Variants in RTL9 observed in about 807,000 individuals in gnomAD.
RTL9 encodes the protein retrotransposon Gag-like protein 9.
Under a neutral mutation model 44.7 loss-of-function variants are expected in RTL9, and 19 were observed. That is an observed-to-expected ratio of 0.42 (90% CI 0.30 to 0.62). The LOEUF (loss-of-function observed/expected upper bound fraction) is 0.62, where lower values mean the gene tolerates loss of function less well. Among genes scored for constraint, RTL9 ranks in the 20% least tolerant of loss-of-function variants. The pLI is 0.16. For synonymous variants in RTL9, 407 were observed against 398.9 expected (o/e 1.02, Z -0.24); for missense variants, 1,105 against 1,080.6 (o/e 1.02, Z -0.32).
intron 1 of RTL9, among the ~76,000 whole-genome samples, chrX:110,427,799 C>T (rs995589021): frequency 5.4e-5 from 6 of 112,016 alleles, no homozygotes; most frequent in Admixed American, 9.4e-5. Flanking sequence ...AGAATTCAAT[C>T]ACAGGGAGTC....
chrX:110,414,385 A>G (rs1350946454), upstream of RTL9, among the ~76,000 whole-genome samples: 2 of 112,557 alleles, frequency 1.8e-5, no homozygotes, highest in Non-Finnish European at 3.8e-5. Flanking sequence ...ATACCATGCC[A>G]GCCTTTAAGA....
At chrX:110,391,521 G>A (rs939852306) in intron 1 of RTL9, among the ~76,000 whole-genome samples, 1 of 111,999 alleles carries the variant, frequency 8.9e-6, no homozygotes, top group African/African-American at 3.2e-5. Context: ...ACTACTTTAT[G>A]TAGAAATCTT....
chrX:110,418,321 G>C (rs1244044969), upstream of RTL9, among the ~76,000 whole-genome samples: 1 of 112,235 alleles, frequency 8.9e-6, no homozygotes, highest in African/African-American at 3.2e-5. Flanking sequence ...TGCAACCCAT[G>C]AGCAAACACA....
intron 1 of RTL9, among the ~76,000 whole-genome samples, chrX:110,369,913 A>G (rs2068325629): frequency 9.0e-6 from 1 of 111,440 alleles, no homozygotes; most frequent in East Asian, 2.8e-4. Context: ...ATCTCCTGAA[A>G]GTGCATGTTG....
intron 1 of RTL9, among the ~76,000 whole-genome samples, chrX:110,394,102 A>G (rs2068513000): frequency 8.9e-6 from 1 of 112,564 alleles, no homozygotes; most frequent in Non-Finnish European, 1.9e-5. Flanking sequence ...GCTGTCACTC[A>G]TTGATTCACC....
At chrX:110,384,935 C>T (rs1318238791) in intron 1 of RTL9, among the ~76,000 whole-genome samples, 1 of 110,909 alleles carries the variant, frequency 9.0e-6, no homozygotes, top group Non-Finnish European at 1.9e-5. Flanking sequence ...ATTTGCTAAT[C>T]AACTTTGCCC....
chrX:110,386,134 T>G (rs1345108550), intron 1 of RTL9, among the ~76,000 whole-genome samples: 1 of 110,736 alleles, frequency 9.0e-6, no homozygotes, highest in Admixed American at 9.6e-5. Context: ...TTAAATCTCT[T>G]GGGTATATAT....
chrX:110,442,109 A>G (rs1377908932), intron 1 of RTL9, among the ~76,000 whole-genome samples: 1 of 110,953 alleles, frequency 9.0e-6, no homozygotes, highest in Non-Finnish European at 1.9e-5. Flanking sequence ...TGAAAAAGTA[A>G]AGGTGGCCTT....
Position 110,409,583 on chromosome X carries a change from T to A in RTL9, c.-167-35570T>A, listed in dbSNP as rs758284402. ...AATGCCCTCCATGCCCCCATTAGGA[T>A]CTCAGGCTGTCTTGGCCTTCAGGCA... On this transcript the variant is annotated intron_variant, in intron 1 of 2. Transcript: ENST00000520821. 3.6e-5 allele frequency among the ~76,000 whole-genome samples: 4 copies of A among 110,789 alleles called. No homozygotes were observed. The Admixed American group carries it at 3.8e-4, about 11-fold the overall frequency.
chrX:110,394,282 C>T (rs1305143958), intron 1 of RTL9, among the ~76,000 whole-genome samples: 2 of 111,916 alleles, frequency 1.8e-5, no homozygotes, highest in Non-Finnish European at 1.9e-5. Flanking sequence ...CAGGGTCTCA[C>T]TCCTCTCGCC....
At chrX:110,408,586 A>G (rs1198392325) in intron 1 of RTL9, among the ~76,000 whole-genome samples, 3 of 112,501 alleles carry the variant, frequency 2.7e-5, no homozygotes, top group Non-Finnish European at 5.6e-5. Flanking sequence ...CACAGTTTTA[A>G]TCAACTATTC....
exon 1 of RTL9, chrX:110,451,698 A>G: frequency 8.3e-7 from 1 of 1,211,316 alleles, no homozygotes; most frequent in Non-Finnish European, 1.1e-6. Flanking sequence ...AGTGATGCCC[A>G]CCCAAACGAT....
Position 110,450,678 on chromosome X carries a change from C to A in RTL9, c.61C>A (p.Pro21Thr), listed in dbSNP as rs748919666. ...TACAATGAGGGAGGAAAATGTTGAG[C>A]CCCAAAACAAGCAGATGGCCTTCTG... Residue 21 changes from proline (P) to threonine (T), a missense_variant, in exon 1 of 2, where the codon CCC becomes ACC. Coordinates refer to ENST00000540313, the Ensembl canonical transcript of RTL9. 7.5e-5 allele frequency: 91 copies of A among 1,208,669 alleles called. No individual in the cohort carries two copies. The East Asian group carries it at 2.6e-3, about 35-fold the overall frequency.
rs755483656 is a variant in RTL9, at chrX:110,378,008, C to CAAA, written c.-168+19114_-168+19116dup. 8.5e-3 allele frequency among the ~76,000 whole-genome samples: 262 copies of CAAA among 30,916 alleles called. 18 individuals are homozygous for CAAA. Among genetic ancestry groups the CAAA allele is most frequent in the African/African-American group, 0.033 (241 of 7,239 alleles). 26.8% of individuals were successfully genotyped at this position (30,916 alleles called of 115,157 possible). A position where few individuals can be genotyped will look rare whatever the true frequency, so the allele number is the denominator to read the frequency against. ...TGGGCGACAGAGCGAGACTCCGTCT[C>CAAA]AAAAAAAAAAAAAAAAAAAAAAAAT... On this transcript the variant is annotated intron_variant, in intron 1 of 2. Transcript: ENST00000520821.
intron 1 of RTL9, among the ~76,000 whole-genome samples, chrX:110,393,869 C>T (rs1036590419): frequency 5.4e-5 from 6 of 112,078 alleles, no homozygotes; most frequent in South Asian, 3.7e-4. Context: ...CTGGAATCAG[C>T]GGGTTAGAAA....
intron 1 of RTL9, among the ~76,000 whole-genome samples, chrX:110,362,485 T>C (rs1320618519): frequency 8.9e-6 from 1 of 112,438 alleles, no homozygotes; most frequent in Non-Finnish European, 1.9e-5. Flanking sequence ...ATAGCTTCTA[T>C]TGACAACTCT....
At chrX:110,446,197 G>A (rs188001201), upstream of RTL9, among the ~76,000 whole-genome samples, 33 of 111,687 alleles carry the variant, frequency 3.0e-4, 1 homozygote, top group East Asian at 7.0e-3. Flanking sequence ...GACTTGCGGG[G>A]AATGGGGGGT....
chrX:110,361,312 C>G (rs2068261904), intron 1 of RTL9, among the ~76,000 whole-genome samples: 1 of 111,801 alleles, frequency 8.9e-6, no homozygotes, highest in Non-Finnish European at 1.9e-5. Flanking sequence ...AATCTGACCA[C>G]TTTTTCATTG....
At chrX:110,453,156 A>G (rs745734038) in exon 1 of RTL9, 1 of 1,210,178 alleles carries the variant, frequency 8.3e-7, no homozygotes, top group African/African-American at 1.8e-5. Flanking sequence ...AGCAATGTCC[A>G]TGCCACTAAC....
Sources: allele counts gnomAD v4.1 joint callset (sites outside exome capture counted in the v4.1 genomes callset), GRCh38; gene constraint gnomAD v4.1.1; transcripts MANE v1.5; gene names NCBI Gene and HGNC (gene_info 2026-07-23, HGNC 2026-07-21).